Variants in IRF2BP2 observed in about 807,000 individuals in gnomAD.
The protein encoded by IRF2BP2 is interferon regulatory factor 2-binding protein 2.
A neutral mutation model predicts 32.7 loss-of-function variants in IRF2BP2; 13 were observed. That is an observed-to-expected ratio of 0.40 (90% confidence interval 0.26 to 0.63). The LOEUF (loss-of-function observed/expected upper bound fraction) is 0.63, where lower values mean the gene tolerates loss of function less well. IRF2BP2 is among the 30% of genes least tolerant of loss of function. The probability of loss-of-function intolerance (pLI) is 0.42; values close to 1 mark genes in which losing one functional copy is unlikely to be tolerated. For synonymous variants in IRF2BP2, 555 were observed against 384.6 expected (o/e 1.44, Z -5.18); for missense variants, 980 against 830.6 (o/e 1.18, Z -2.21).
Position 234,609,249 on chromosome 1 carries a change from C to G in IRF2BP2, c.246G>C (p.Lys82Asn), listed in dbSNP as rs1020835702. 7.3e-7 allele frequency: 1 copy of G among 1,363,554 alleles called. No homozygotes were observed. The highest frequency in any genetic ancestry group is 1.5e-5 in the African/African-American group (1 of 65,004). The allele number at this position is 1,363,554 out of a possible 1,614,324, so 84.5% of individuals were successfully genotyped here. A position where few individuals can be genotyped will look rare whatever the true frequency, so the allele number is the denominator to read the frequency against. Residue 82 changes from lysine (K) to asparagine (N), a missense_variant, in exon 1 of 2, where the codon AAG (lysine) becomes AAC (asparagine). By Grantham distance (94) the Lys-to-Asn change is moderately conservative. Transcript: ENST00000366609. ...TGTCCTTGGCGGAGAGCGGCGGCGG[C>G]TTGGCGGCGGCCGAGGCCGCGGCGC... is the stretch of plus-strand genomic sequence containing the variant. ...PPGAAASAAA[K>N]PPPLSAKDIL...
Position 234,610,139 on chromosome 1 carries a change from G to C in IRF2BP2, c.-645C>G, listed in dbSNP as rs1028641073. On this transcript the variant is annotated 5_prime_UTR_variant, in exon 1 of 2. Transcript: ENST00000366609. ...CCGCCTCAGCTCCGCCGCCGCCACC[G>C]TCGCTGCTGCTGCTGCCGCCGCGAC... Among the ~76,000 whole-genome samples, 2 of 148,412 alleles carry C rather than the reference G, an allele frequency of 1.3e-5. No homozygotes were observed. Among genetic ancestry groups the C allele is most frequent in the South Asian group, 2.1e-4 (1 of 4,822 alleles).
In IRF2BP2 at chr1:234,608,897, GC is replaced by G; in HGVS notation, c.597del (p.Thr201ProfsTer13). ...VPLMNGSATP[L>X]PTALGLGGRA... ...CGGCCGCCGAGGCCGAGCGCGGTGG[GC>G]AGCGGCGTGGCCGAGCCGTTCATGA... On this transcript the variant is annotated frameshift_variant, in exon 1 of 2. Coordinates refer to ENST00000366609, the MANE Select transcript of IRF2BP2 (RefSeq NM_182972.3). LOFTEE classifies it high-confidence loss of function. 1 of 1,341,532 alleles carries G rather than the reference GC, an allele frequency of 7.5e-7. No homozygotes were observed. Among genetic ancestry groups the G allele is most frequent in the Non-Finnish European group, 9.5e-7 (1 of 1,054,910 alleles). 83.1% of individuals were successfully genotyped at this position (1,341,532 alleles called of 1,614,324 possible).
In IRF2BP2 at chr1:234,606,878, T is replaced by C. The variant is rs1037592303; in HGVS notation, c.*259A>G. ...GCAAGTCACAGCCTACATAGAACGGTAACTGTCACCAGGATAATAAAGCAC... is the reference window on the plus strand; with the variant it reads ...GCAAGTCACAGCCTACATAGAACGGCAACTGTCACCAGGATAATAAAGCAC... On this transcript the variant is annotated 3_prime_UTR_variant, in exon 2 of 2. Transcript: ENST00000366609. 3 of 310,878 alleles carry C rather than the reference T, an allele frequency of 9.7e-6. No individual in the cohort carries two copies. The highest frequency in any genetic ancestry group is 1.8e-5 in the Non-Finnish European group (3 of 167,384). 19.3% of individuals were successfully genotyped at this position (310,878 alleles called of 1,614,324 possible).
Position 234,609,781 on chromosome 1 carries a change from C to CGGCGG in IRF2BP2, c.-292_-288dup, listed in dbSNP as rs944412250. Among the ~76,000 whole-genome samples, 1 of 142,974 alleles carries CGGCGG rather than the reference C, an allele frequency of 7.0e-6. No individual in the cohort carries two copies. Among genetic ancestry groups the CGGCGG allele is most frequent in the Non-Finnish European group, 1.5e-5 (1 of 64,588 alleles). 93.8% of individuals were successfully genotyped at this position (142,974 alleles called of 152,430 possible). ...CCGGGCACGGGCGGGCGGCGCGGCGCGGCGGGGCGGCGGGCGCGGCGGTGG... is the reference window on the plus strand; with the variant it reads ...CCGGGCACGGGCGGGCGGCGCGGCGCGGCGGGGCGGGGCGGCGGGCGCGGCGGTGG... On this transcript the variant is annotated 5_prime_UTR_variant, in exon 1 of 2. Transcript: ENST00000366609.
At chr1:234,608,308 T>C in intron 1 of IRF2BP2, 139 bp downstream of exon 1, 1 of 715,404 alleles carries the variant, frequency 1.4e-6, no homozygotes, top group Non-Finnish European at 2.2e-6. Context: ...CAAGCACTGG[T>C]TCCGCCTCAG....
chr1:234,605,647 CCTAAT>C lies in IRF2BP2; in HGVS notation c.*1485_*1489del, dbSNP rs1415150643. On this transcript the variant is annotated 3_prime_UTR_variant, in exon 2 of 2. Transcript: ENST00000366609. Reference sequence around the variant, plus strand: ...TGTAGACCTTGAAGCCATAATTCAGCCTAATTATAAGGCCAAGTTACAAACACCTG... The same window carrying C: ...TGTAGACCTTGAAGCCATAATTCAGCTATAAGGCCAAGTTACAAACACCTG... 2 of 152,152 alleles carry C rather than the reference CCTAAT, an allele frequency of 1.3e-5. No individual in the cohort carries two copies. The highest frequency in any genetic ancestry group is 2.9e-5 in the Non-Finnish European group (2 of 68,024). 9.4% of individuals were successfully genotyped at this position (152,152 alleles called of 1,614,324 possible). A position where few individuals can be genotyped will look rare whatever the true frequency, so the allele number is the denominator to read the frequency against.
rs1012799000 is a variant in IRF2BP2 at position 234,609,929 on chromosome 1, C to CG, written c.-436dup. Among the ~76,000 whole-genome samples, 8 of 13,200 alleles carry CG rather than the reference C, an allele frequency of 6.1e-4. No homozygotes were observed. Among genetic ancestry groups the CG allele is most frequent in the East Asian group, 2.1e-3 (1 of 470 alleles). 8.7% of individuals were successfully genotyped at this position (13,200 alleles called of 152,430 possible). The stretch of plus-strand genomic sequence containing the variant: ...AGTGCGGGGCGGGGGGCGGGGAGGC[C>CG]GGGGGGGCAGGGGGCGGGGGGCGGC... On this transcript the variant is annotated 5_prime_UTR_variant, in exon 1 of 2. Transcript: ENST00000366609.
rs1448971945 is a variant in IRF2BP2, at chr1:234,606,586, A to C, written c.*551T>G. On this transcript the variant is annotated 3_prime_UTR_variant, in exon 2 of 2. Transcript: ENST00000366609. ...ATAGAGATTCAAAATCCACTTTCCTACTCCTCTGAGGACAATGTTTCAGGG... is the reference window on the plus strand; with the variant it reads ...ATAGAGATTCAAAATCCACTTTCCTCCTCCTCTGAGGACAATGTTTCAGGG... 6.6e-6 allele frequency: 1 copy of C among 152,294 alleles called. No homozygotes were observed. Among genetic ancestry groups the C allele is most frequent in the African/African-American group, 2.4e-5 (1 of 41,426 alleles). The allele number at this position is 152,294 out of a possible 1,614,324, so 9.4% of individuals were successfully genotyped here.
Position 234,609,529 on chromosome 1 carries a change from G to A in IRF2BP2, c.-35C>T. ...GCCCGCGACGCCGGAGGAGGAGGCGGAGGAGGAGGAGGGGGCGCCGCCGCC... is the reference window on the plus strand; with the variant it reads ...GCCCGCGACGCCGGAGGAGGAGGCGAAGGAGGAGGAGGGGGCGCCGCCGCC... On this transcript the variant is annotated 5_prime_UTR_variant, in exon 1 of 2. Transcript: ENST00000366609. 1 of 1,283,048 alleles carries A rather than the reference G, an allele frequency of 7.8e-7. No individual in the cohort carries two copies. 79.5% of individuals were successfully genotyped at this position (1,283,048 alleles called of 1,614,324 possible).
At position 234,607,826 on chromosome 1, in the gene IRF2BP2, G is replaced by C; in HGVS notation, c.1075C>G (p.Pro359Ala). 6.3e-7 allele frequency: 1 copy of C among 1,588,456 alleles called. No individual in the cohort carries two copies. The highest frequency in any genetic ancestry group is 1.1e-5 in the South Asian group (1 of 89,598). ...AVARTARKRK[P>A]SPEPEGEVGP... ...ACTTCACCTTCTGGTTCTGGAGAGG[G>C]CTTCCTTTTCCTTGCTGTTCTTGCA... The change falls in exon 2 of 2, where the codon CCC becomes GCC. Residue 359 changes from proline to alanine, a missense_variant. Coordinates refer to ENST00000366609, the MANE Select transcript of IRF2BP2 (RefSeq NM_182972.3).
At position 234,609,095 on chromosome 1, in the gene IRF2BP2, C is replaced by G. The variant is rs1672265780; in HGVS notation, c.400G>C (p.Gly134Arg). 1.6e-6 allele frequency: 2 copies of G among 1,238,480 alleles called. No individual in the cohort carries two copies. The highest frequency in any genetic ancestry group is 1.6e-5 in the African/African-American group (1 of 63,938). The allele number at this position is 1,238,480 out of a possible 1,614,324, so 76.7% of individuals were successfully genotyped here. The change falls in exon 1 of 2, where the codon GGC (glycine) becomes CGC (arginine). Residue 134 changes from glycine (G) to arginine (R), a missense_variant. Gly to Arg is a moderately radical substitution (Grantham distance 125). Coordinates refer to ENST00000366609, the MANE Select transcript of IRF2BP2 (RefSeq NM_182972.3). The part of the protein sequence containing the change: ...ERPPRLGSDF[G>R]SSRPAASLAQ... ...AGGCTCGCTGCCGGGCGGCTGCTGC[C>G]GAAGTCAGAGCCGAGGCGCGGGGGC...
chr1:234,606,968 C>CA lies in IRF2BP2; in HGVS notation c.*168dup, dbSNP rs140530183. ...TTTATAAGTACATACCTTTTGTCGT[C>CA]AAAAAAAATATAGAAACACAATGTA... On this transcript the variant is annotated 3_prime_UTR_variant, in exon 2 of 2. Transcript: ENST00000366609. The CA allele has an allele frequency of 0.041, 23,105 of 562,872 alleles. 4,049 individuals are homozygous for CA. The highest frequency in any genetic ancestry group is 0.39 in the African/African-American group (20,606 of 52,632). 34.9% of individuals were successfully genotyped at this position (562,872 alleles called of 1,614,324 possible).
chr1:234,608,342 G>T, intron 1 of IRF2BP2, 105 bp downstream of exon 1: 1 of 972,528 alleles, frequency 1.0e-6, no homozygotes, highest in Non-Finnish European at 1.5e-6. Context: ...TGGGGTGTTT[G>T]TTGTTTCTGG....
chr1:234,608,838 G>C lies in IRF2BP2; in HGVS notation c.657C>G (p.Thr219=). 7.5e-7 allele frequency: 1 copy of C among 1,338,450 alleles called. No homozygotes were observed. Among genetic ancestry groups the C allele is most frequent in the Admixed American group, 4.1e-5 (1 of 24,380 alleles). The allele number at this position is 1,338,450 out of a possible 1,614,324, so 82.9% of individuals were successfully genotyped here. ...AAASLAAVSG[T]AAASLGSAQP... ...GCGCGGAGCCCAGGCTGGCGGCCGC[G>C]GTTCCGGACACCGCGGCTAAGGAGG... Residue 219 remains threonine (T), a synonymous_variant, in exon 1 of 2, where the codon ACC becomes ACG. Coordinates refer to ENST00000366609, the MANE Select transcript of IRF2BP2 (RefSeq NM_182972.3).
At position 234,607,146 on chromosome 1, in the gene IRF2BP2, T is replaced by C. The variant is rs1268866123; in HGVS notation, c.1755A>G (p.Arg585=). Residue 585 remains arginine, a synonymous_variant, in exon 2 of 2, where the codon AGA becomes AGG. Coordinates refer to ENST00000366609, the MANE Select transcript of IRF2BP2 (RefSeq NM_182972.3). ...TCTGAAACCGGAAAAGTCACGAGTC[T>C]CTCTCTTTTTTCACTTTCACATCTC... The part of the protein sequence containing the change: ...LAGDVKVKKE[R]DS 6.2e-7 allele frequency: 1 copy of C among 1,606,278 alleles called. No homozygotes were observed. Among genetic ancestry groups the C allele is most frequent in the South Asian group, 1.1e-5 (1 of 90,936 alleles).
chr1:234,608,826 G>C lies in IRF2BP2; in HGVS notation c.669C>G (p.Ser223Arg). ...LAAVSGTAAASLGSAQPTDLG... is the reference protein window; with the variant it reads ...LAAVSGTAAARLGSAQPTDLG... ...GATCGGTGGGCTGCGCGGAGCCCAG[G>C]CTGGCGGCCGCGGTTCCGGACACCG... Residue 223 changes from serine (S) to arginine (R), a missense_variant, in exon 1 of 2, where the codon AGC (serine) becomes AGG (arginine). Ser to Arg is a moderately radical substitution (Grantham distance 110). Transcript: ENST00000366609. The C allele has an allele frequency of 7.4e-7, 1 of 1,358,600 alleles. No individual in the cohort carries two copies. Among genetic ancestry groups the C allele is most frequent in the Non-Finnish European group, 9.4e-7 (1 of 1,065,074 alleles). 84.2% of individuals were successfully genotyped at this position (1,358,600 alleles called of 1,614,324 possible).
rs780587159 is a variant in IRF2BP2 at position 234,608,934 on chromosome 1, G to A, written c.561C>T (p.Thr187=). The part of the protein sequence containing the change: ...NPRRGHAVPP[T]LVPLMNGSAT... Reference sequence around the variant, plus strand: ...CCGAGCCGTTCATGAGCGGCACCAGGGTGGGCGGCACCGCGTGGCCGCGCC... The same window carrying A: ...CCGAGCCGTTCATGAGCGGCACCAGAGTGGGCGGCACCGCGTGGCCGCGCC... The change falls in exon 1 of 2, where the codon ACC becomes ACT. Residue 187 remains threonine (T), a synonymous_variant. Coordinates refer to ENST00000366609, the MANE Select transcript of IRF2BP2 (RefSeq NM_182972.3). 1.5e-5 allele frequency: 20 copies of A among 1,371,606 alleles called. No individual in the cohort carries two copies. The highest frequency in any genetic ancestry group is 8.5e-5 in the East Asian group (3 of 35,160). The allele number at this position is 1,371,606 out of a possible 1,614,324, so 85.0% of individuals were successfully genotyped here.
chr1:234,609,255 G>C lies in IRF2BP2; in HGVS notation c.240C>G (p.Ala80=). 1 of 1,364,142 alleles carries C rather than the reference G, an allele frequency of 7.3e-7. No individual in the cohort carries two copies. The highest frequency in any genetic ancestry group is 9.4e-7 in the Non-Finnish European group (1 of 1,061,596). The allele number at this position is 1,364,142 out of a possible 1,614,324, so 84.5% of individuals were successfully genotyped here. Residue 80 remains alanine (A), a synonymous_variant, in exon 1 of 2, where the codon GCC becomes GCG. Coordinates refer to ENST00000366609, the MANE Select transcript of IRF2BP2 (RefSeq NM_182972.3). ...TGGCGGAGAGCGGCGGCGGCTTGGC[G>C]GCGGCCGAGGCCGCGGCGCCGGGTG... The part of the protein sequence containing the change: ...RSPPGAAASA[A]AKPPPLSAKD...
At chr1:234,607,965 A>G in intron 1 of IRF2BP2, 113 bp from the exon 2 acceptor site, 2 of 831,800 alleles carry the variant, frequency 2.4e-6, no homozygotes, top group Middle Eastern at 3.5e-4. Context: ...CTCCTCTCTA[A>G]AAGCACAGAC....
Sources: allele counts gnomAD v4.1 joint callset (sites outside exome capture counted in the v4.1 genomes callset), GRCh38; gene constraint gnomAD v4.1.1; transcripts MANE v1.5; gene names NCBI Gene and HGNC (gene_info 2026-07-23, HGNC 2026-07-21).